FGFR2: variants seen among roughly 807,000 people sequenced by gnomAD.
The protein encoded by FGFR2 is fibroblast growth factor receptor 2, also known as BEK fibroblast growth factor receptor.
In FGFR2, 19 loss-of-function variants were observed where a neutral mutation model predicts 95.9. The ratio of observed to expected loss-of-function variants is 0.20; its 90% CI spans 0.14 to 0.29. The LOEUF (loss-of-function observed/expected upper bound fraction) is 0.29. Ranked by LOEUF, FGFR2 falls within the 10% of genes least tolerant of loss-of-function variation. FGFR2 has a pLI of 1.00. For synonymous variants in FGFR2, 392 were observed against 393.3 expected (o/e 1.00, Z 0.04); for missense variants, 707 against 1,056.9 (o/e 0.67, Z 4.59).
intron 13 of FGFR2, among the ~76,000 whole-genome samples, 166 bp from the exon 14 acceptor site, chr10:121,488,279 G>A (rs969781474): frequency 1.3e-5 from 2 of 152,068 alleles, no homozygotes; most frequent in African/African-American, 2.4e-5. Context: ...GGTGGCTCAT[G>A]CCTGTAATAC....
At chr10:121,523,408 C>T (rs1391646643) in intron 6 of FGFR2, among the ~76,000 whole-genome samples, 2 of 152,130 alleles carry the variant, frequency 1.3e-5, no homozygotes, top group East Asian at 3.9e-4. Flanking sequence ...AGGGACCTGT[C>T]CACAGCGGGC....
intron 5 of FGFR2, among the ~76,000 whole-genome samples, chr10:121,544,977 T>C (rs1854300519): frequency 6.6e-6 from 1 of 152,152 alleles, no homozygotes; most frequent in African/African-American, 2.4e-5. Flanking sequence ...ACCCCGTCTC[T>C]ACAAAAAATT....
At chr10:121,522,977 T>C (rs1433161245) in intron 6 of FGFR2, among the ~76,000 whole-genome samples, 1 of 152,216 alleles carries the variant, frequency 6.6e-6, no homozygotes, top group South Asian at 2.1e-4. Flanking sequence ...ATCTACATCA[T>C]TGGACCTTTC....
chr10:121,532,346 A>G (rs983583385), intron 6 of FGFR2, among the ~76,000 whole-genome samples: 7 of 152,164 alleles, frequency 4.6e-5, no homozygotes, highest in Non-Finnish European at 1.0e-4. Flanking sequence ...TGATGCCACC[A>G]CAGCCACTCC....
At chr10:121,515,441 G>A (rs1461208355) in intron 8 of FGFR2, 122 bp from the exon 9 acceptor site, 7 of 975,988 alleles carry the variant, frequency 7.2e-6, no homozygotes, top group Non-Finnish European at 9.7e-6. Flanking sequence ...AGGCAAGGTG[G>A]GCTTCCCAAA....
chr10:121,509,672 A>G (rs1184589495), intron 9 of FGFR2, among the ~76,000 whole-genome samples: 1 of 151,530 alleles, frequency 6.6e-6, no homozygotes, highest in Non-Finnish European at 1.5e-5. Context: ...TAGTAGACAC[A>G]TGGTTTCATC....
intron 13 of FGFR2, among the ~76,000 whole-genome samples, chr10:121,491,653 G>A (rs1235456543): frequency 6.6e-6 from 1 of 151,514 alleles, no homozygotes; most frequent in African/African-American, 2.4e-5. Context: ...GGCGGATCCC[G>A]AGGTCAGGAG....
intron 5 of FGFR2, among the ~76,000 whole-genome samples, chr10:121,547,092 CGG>C (rs1564964285): frequency 3.3e-5 from 5 of 152,008 alleles, no homozygotes; most frequent in Admixed American, 3.3e-4. Context: ...GGTGTGGTGG[CGG>C]GCACCTGTAA....
At chr10:121,529,113 TTTTG>T (rs773365193) in intron 6 of FGFR2, among the ~76,000 whole-genome samples, 1 of 151,824 alleles carries the variant, frequency 6.6e-6, no homozygotes, top group South Asian at 2.1e-4. Context: ...TTTTAATTTT[TTTTG>T]TTTGTTTTTG....
chr10:121,578,909 T>G (rs1860363269), intron 2 of FGFR2, among the ~76,000 whole-genome samples: 1 of 152,110 alleles, frequency 6.6e-6, no homozygotes, highest in South Asian at 2.1e-4. Context: ...AAAGTCTGTC[T>G]CAAAAGGAAA....
rs1203686435 is a variant in FGFR2, at chr10:121,485,048, G to A, written c.2195+347C>T. On this transcript the variant is annotated intron_variant, in intron 16 of 17. Transcript: ENST00000358487. The surrounding 1 kb of genome is among the most constrained non-coding windows in gnomAD (Gnocchi z 4.2). ...GGCTTTCTAGCTTGTTTCCTGACCC[G>A]TGGGTCTTCCTGTCACTCCACGGGA... 3.9e-5 allele frequency among the ~76,000 whole-genome samples: 6 copies of A among 152,208 alleles called. No homozygotes were observed. In the East Asian group the frequency reaches 5.8e-4, roughly 15 times the overall value.
chr10:121,527,068 A>C, intron 6 of FGFR2: 1 of 289,926 alleles, frequency 3.4e-6, no homozygotes, highest in Non-Finnish European at 6.4e-6. Context: ...AACACCACTA[A>C]TGCCTTTGTG....
rs779821591 is a variant in FGFR2, at chr10:121,593,973, G to A, written c.-150-6C>T. On this transcript the variant is annotated splice_polypyrimidine_tract_variant and splice_region_variant and intron_variant, in intron 1 of 17. Transcript: ENST00000358487. ...TGCCGCTGCTGCTGCAGTCACTAAA[G>A]GAAAGAGATTGGCGAGTCAGGGAAT... The A allele has an allele frequency of 1.4e-6, 1 of 732,488 alleles. No individual in the cohort carries two copies. Among genetic ancestry groups the A allele is most frequent in the Non-Finnish European group, 2.5e-6 (1 of 406,954 alleles). 45.4% of individuals were successfully genotyped at this position (732,488 alleles called of 1,614,324 possible). A position where few individuals can be genotyped will look rare whatever the true frequency, so the allele number is the denominator to read the frequency against.
Position 121,531,958 on chromosome 10 carries a change from A to C in FGFR2, c.748+6634T>G, listed in dbSNP as rs1589881391. ...TGTCAACTAAATAAGCCCACTTAGA[A>C]AGGCTGTCGCTGTGACCCATTACCT... On this transcript the variant is annotated intron_variant, in intron 6 of 17. Coordinates refer to ENST00000358487, the MANE Select transcript of FGFR2 (RefSeq NM_000141.5). This position sits in a 1 kb window ranked among gnomAD's most constrained non-coding sequence, Gnocchi z 4.5. 6.6e-6 allele frequency among the ~76,000 whole-genome samples: 1 copy of C among 152,188 alleles called. No individual in the cohort carries two copies. The highest frequency in any genetic ancestry group is 1.5e-5 in the Non-Finnish European group (1 of 68,032).
At chr10:121,500,530 A>C (rs1253817184) in intron 11 of FGFR2, among the ~76,000 whole-genome samples, 3 of 152,236 alleles carry the variant, frequency 2.0e-5, no homozygotes, top group Admixed American at 6.5e-5. Flanking sequence ...ATAATTTCTA[A>C]GCACATAAAA....
chr10:121,478,377 A>C lies in FGFR2; in HGVS notation c.*1480T>G, dbSNP rs1213326655. The C allele has an allele frequency of 8.6e-6, 2 of 232,520 alleles. No individual in the cohort carries two copies. Among genetic ancestry groups the C allele is most frequent in the Non-Finnish European group, 1.7e-5 (2 of 117,440 alleles). 14.4% of individuals were successfully genotyped at this position (232,520 alleles called of 1,614,324 possible). On this transcript the variant is annotated 3_prime_UTR_variant, in exon 18 of 18. Transcript: ENST00000358487. ...ACATTTATTTTGTCTTGTTAACATT[A>C]ATATCTGTAGAAACATTTTTATTGT...
intron 4 of FGFR2, among the ~76,000 whole-genome samples, chr10:121,563,974 G>A (rs1413159826): frequency 6.6e-6 from 1 of 152,188 alleles, no homozygotes; most frequent in East Asian, 1.9e-4. Flanking sequence ...AGGGATGATT[G>A]ACATCTTGGA....
chr10:121,552,464 A>G (rs1855543764), intron 4 of FGFR2, among the ~76,000 whole-genome samples: 1 of 152,216 alleles, frequency 6.6e-6, no homozygotes, highest in Admixed American at 6.5e-5. Context: ...CAAGTGGGGA[A>G]ACTGAGGCAC....
chr10:121,590,060 C>T (rs551032477), intron 2 of FGFR2, among the ~76,000 whole-genome samples: 10 of 134,090 alleles, frequency 7.5e-5, no homozygotes, highest in African/African-American at 2.5e-4. Context: ...ATCCTGTCCT[C>T]GACGTTTCTG....
Sources: allele counts gnomAD v4.1 joint callset (sites outside exome capture counted in the v4.1 genomes callset), GRCh38; gene constraint gnomAD v4.1.1; non-coding constraint Gnocchi (gnomAD v3.1); transcripts MANE v1.5; gene names NCBI Gene and HGNC (gene_info 2026-07-23, HGNC 2026-07-21).